FANCD2OS: variants seen among roughly 807,000 people sequenced by gnomAD.
FANCD2OS encodes FANCD2 opposite strand.
Under a neutral mutation model 13.2 loss-of-function variants are expected in FANCD2OS, and 11 were observed. The ratio of observed to expected loss-of-function variants is 0.83; its 90% CI spans 0.52 to 1.38. The LOEUF (loss-of-function observed/expected upper bound fraction) is 1.38, where lower values mean the gene tolerates loss of function less well. FANCD2OS is among the 40% of genes most tolerant of loss of function. The pLI is 0.00. For missense variants in FANCD2OS, 217 were observed against 213.9 expected, an observed-to-expected ratio of 1.01 and a Z score of -0.09; for synonymous variants, 69 against 84.5, an observed-to-expected ratio of 0.82 and a Z score of 1.01.
chr3:10,105,770 AATT>A lies in FANCD2OS; in HGVS notation c.-8-991_-8-989del, dbSNP rs1374552477. On this transcript the variant is annotated intron_variant, in intron 1 of 1. Transcript: ENST00000450660. ...CATCTAAAAAAAAAAAAAAAAAAAAAATTATATATATATATATATATATATATA... is the reference window on the plus strand; with the variant it reads ...CATCTAAAAAAAAAAAAAAAAAAAAAATATATATATATATATATATATATA... 2.0e-4 allele frequency among the ~76,000 whole-genome samples: 6 copies of A among 30,360 alleles called. 1 individual carries two copies. The African/African-American group carries it at 2.6e-3, about 13-fold the overall frequency. The allele number at this position is 30,360 out of a possible 152,430, so 19.9% of individuals were successfully genotyped here. A position where few individuals can be genotyped will look rare whatever the true frequency, so the allele number is the denominator to read the frequency against.
intron 2 of FANCD2OS, chr3:10,085,760 C>A: frequency 8.8e-7 from 1 of 1,135,304 alleles, no homozygotes; most frequent in Non-Finnish European, 1.3e-6. Flanking sequence ...TAAATACTAT[C>A]CAAGTAGTTT....
At chr3:10,105,867 C>T (rs1366298156) in intron 1 of FANCD2OS, among the ~76,000 whole-genome samples, 1 of 135,576 alleles carries the variant, frequency 7.4e-6, no homozygotes, top group Non-Finnish European at 1.5e-5. Flanking sequence ...GCTTCAGCAT[C>T]ATTTGGAAAC....
At chr3:10,088,310 A>G in intron 2 of FANCD2OS, 1 of 707,054 alleles carries the variant, frequency 1.4e-6, no homozygotes. Flanking sequence ...GCTTTTTGTA[A>G]GTTGCCTGTT....
At chr3:10,091,507 G>A (rs976790830) in intron 2 of FANCD2OS, among the ~76,000 whole-genome samples, 7 of 151,912 alleles carry the variant, frequency 4.6e-5, no homozygotes, top group African/African-American at 1.7e-4. Context: ...TATACCGGCT[G>A]TAGCTTCTCT....
intron 2 of FANCD2OS, chr3:10,095,404 T>G: frequency 2.6e-6 from 2 of 765,944 alleles, no homozygotes; most frequent in Admixed American, 2.0e-5. Context: ...GGCAGTTTAT[T>G]CAGAGCAAAT....
intron 1 of FANCD2OS, among the ~76,000 whole-genome samples, chr3:10,106,973 G>C (rs1205484215): frequency 6.6e-6 from 1 of 152,114 alleles, no homozygotes; most frequent in Admixed American, 6.5e-5. Flanking sequence ...TAGTATAGGG[G>C]GATTTGTTGA....
chr3:10,097,840 T>A (rs1175665538), intron 2 of FANCD2OS, among the ~76,000 whole-genome samples: 1 of 152,206 alleles, frequency 6.6e-6, no homozygotes, highest in Non-Finnish European at 1.5e-5. Context: ...GCATAAGAAA[T>A]TACAAAAGTA....
chr3:10,096,593 T>G (rs1394752948), intron 2 of FANCD2OS: 1 of 901,772 alleles, frequency 1.1e-6, no homozygotes, highest in Non-Finnish European at 1.8e-6. Context: ...TTCTCTTAAG[T>G]CTGTGACTGT....
At chr3:10,105,655 G>A (rs1452611980) in intron 1 of FANCD2OS, among the ~76,000 whole-genome samples, 1 of 150,002 alleles carries the variant, frequency 6.7e-6, no homozygotes, top group Non-Finnish European at 1.5e-5. Flanking sequence ...GGAGGCTGAG[G>A]TGTGAGAATT....
downstream of FANCD2OS, among the ~76,000 whole-genome samples, chr3:10,100,998 G>C (rs1193998786): frequency 6.6e-6 from 1 of 151,970 alleles, no homozygotes. Context: ...GAACCCGGGA[G>C]GCAGAGGTTG....
At chr3:10,096,410 C>G in intron 2 of FANCD2OS, 1 of 1,614,084 alleles carries the variant, frequency 6.2e-7, no homozygotes, top group Non-Finnish European at 8.5e-7. Flanking sequence ...CAAAGCTATG[C>G]TCACTCTCAA....
chr3:10,100,015 C>T (rs1161693619), downstream of FANCD2OS, among the ~76,000 whole-genome samples: 1 of 151,998 alleles, frequency 6.6e-6, no homozygotes, highest in African/African-American at 2.4e-5. Flanking sequence ...GAGACCCCAT[C>T]TCTACAGAAA....
chr3:10,103,030 A>C (rs1472606133), downstream of FANCD2OS: 1 of 431,490 alleles, frequency 2.3e-6, no homozygotes, highest in Non-Finnish European at 4.6e-6. Flanking sequence ...GCCGAGGCCA[A>C]GGCATTGCTT....
At position 10,081,369 on chromosome 3, in the gene FANCD2OS, T is replaced by C. The variant is rs1443463940; in HGVS notation, c.*206A>G. The C allele has an allele frequency of 1.9e-6, 3 of 1,613,956 alleles. No homozygotes were observed. The South Asian group carries it at 3.3e-5, about 18-fold the overall frequency. On this transcript the variant is annotated 3_prime_UTR_variant, in exon 3 of 3. Coordinates refer to the FANCD2OS transcript ENST00000524279. ...AGTGTTTAGCTGCTGAGAATCACGGTGTAGTTGATGGACCAGGAGTGAAAG... is the reference window on the plus strand; with the variant it reads ...AGTGTTTAGCTGCTGAGAATCACGGCGTAGTTGATGGACCAGGAGTGAAAG...
chr3:10,084,848 G>T (rs1306715116), intron 2 of FANCD2OS, among the ~76,000 whole-genome samples: 2 of 152,140 alleles, frequency 1.3e-5, no homozygotes, highest in African/African-American at 4.8e-5. Flanking sequence ...GGAGTTTTAT[G>T]ATCACAGCCA....
At chr3:10,098,699 T>C (rs1695125057), downstream of FANCD2OS, 1 of 1,613,780 alleles carries the variant, frequency 6.2e-7, no homozygotes, top group African/African-American at 1.3e-5. Flanking sequence ...CCCACCATTT[T>C]CTTGGTCCAT....
At chr3:10,082,524 G>C (rs998076032) in intron 2 of FANCD2OS, among the ~76,000 whole-genome samples, 26 of 152,036 alleles carry the variant, frequency 1.7e-4, no homozygotes, top group African/African-American at 6.3e-4. Flanking sequence ...GTCTTCTTCT[G>C]ACTCCTGCTA....
rs774194813 is a variant in FANCD2OS, at chr3:10,104,256, C to G, written c.519G>C (p.Leu173Phe). ...TGAGGACCCTTTACTTGGAGTGCTGCAAGGCAAAGGTGCACTTTTTGTAAG... is the reference window on the plus strand; with the variant it reads ...TGAGGACCCTTTACTTGGAGTGCTGGAAGGCAAAGGTGCACTTTTTGTAAG... Reference protein sequence around the residue: ...YATYKKCTFALQHSK With the variant: ...YATYKKCTFAFQHSK The change falls in exon 2 of 2, where the codon TTG (leucine) becomes TTC (phenylalanine). Residue 173 changes from leucine to phenylalanine, a missense_variant. Physicochemically the swap from Leu to Phe is conservative, Grantham distance 22. Transcript: ENST00000450660. The G allele has an allele frequency of 1.9e-6, 3 of 1,608,506 alleles. No homozygotes were observed. The highest frequency in any genetic ancestry group is 4.5e-5 in the East Asian group (2 of 44,868).
At chr3:10,089,002 G>T (rs767897539) in intron 2 of FANCD2OS, 3 of 1,604,446 alleles carry the variant, frequency 1.9e-6, no homozygotes, top group Non-Finnish European at 1.7e-6. Flanking sequence ...TCATCATCAG[G>T]CTGGGCACGG....
Sources: allele counts gnomAD v4.1 joint callset (sites outside exome capture counted in the v4.1 genomes callset), GRCh38; gene constraint gnomAD v4.1.1; transcripts MANE v1.5; gene names NCBI Gene and HGNC (gene_info 2026-07-23, HGNC 2026-07-21).